The following PCDHGA2 variants were observed in gnomAD, a reference collection of about 807,000 sequenced individuals.
PCDHGA2 encodes protocadherin gamma-A2.
A neutral mutation model predicts 59.2 loss-of-function variants in PCDHGA2; 40 were observed. The ratio of observed to expected loss-of-function variants is 0.68; its 90% CI spans 0.52 to 0.88. PCDHGA2 has a LOEUF of 0.88. Among genes scored for constraint, PCDHGA2 ranks in the 40% least tolerant of loss-of-function variants. The pLI is 0.00. For missense variants in PCDHGA2, 1,226 were observed against 1,204.0 expected, an observed-to-expected ratio of 1.02 and a Z score of -0.27; for synonymous variants, 560 against 526.0, an observed-to-expected ratio of 1.06 and a Z score of -0.89.
At chr5:141,410,295 T>A (rs1043971768) in intron 1 of PCDHGA2, 1 of 1,613,982 alleles carries the variant, frequency 6.2e-7, no homozygotes, top group Admixed American at 1.7e-5. Flanking sequence ...GCCTTGGCCT[T>A]AATCTCAGTG....
intron 3 of PCDHGA2, among the ~76,000 whole-genome samples, chr5:141,506,402 G>A (rs1032556978): frequency 2.8e-5 from 4 of 143,790 alleles, no homozygotes; most frequent in East Asian, 2.0e-4. Flanking sequence ...GCAGAAAATC[G>A]CACCACTGCA....
At position 141,340,486 on chromosome 5, in the gene PCDHGA2, C is replaced by T. The variant is rs1756949157; in HGVS notation, c.1515C>T (p.Ile505=). Residue 505 remains isoleucine, a synonymous_variant, in exon 1 of 4, where the codon ATC becomes ATT. Transcript: ENST00000394576. ...TVQGAPLSSY[I]SINSDTGVLY... ...AGGGGGCACCCTTATCCTCTTACATCTCTATCAACTCCGACACTGGAGTAC... is the reference window on the plus strand; with the variant it reads ...AGGGGGCACCCTTATCCTCTTACATTTCTATCAACTCCGACACTGGAGTAC... 12 of 1,614,240 alleles carry T rather than the reference C, an allele frequency of 7.4e-6. No individual in the cohort carries two copies. Among genetic ancestry groups the T allele is most frequent in the East Asian group, 4.5e-5 (2 of 44,872 alleles).
rs890883912 is a variant in PCDHGA2, at chr5:141,340,843, C to T, written c.1872C>T (p.Gly624=). Residue 624 remains glycine (G), a synonymous_variant, in exon 1 of 4, where the codon GGC becomes GGT. Coordinates refer to ENST00000394576, the MANE Select transcript of PCDHGA2 (RefSeq NM_018915.4). ...TCTTCTCGGTGGGTCTGCACACGGG[C>T]GAGGTGCGCACGGCGCGAGCCCTGC... The part of the protein sequence containing the change: ...PGLFSVGLHT[G]EVRTARALLD... 4.3e-6 allele frequency: 7 copies of T among 1,612,734 alleles called. No individual in the cohort carries two copies. Among genetic ancestry groups the T allele is most frequent in the Middle Eastern group, 1.7e-4 (1 of 5,846 alleles).
At chr5:141,345,368 C>T (rs1221853563) in intron 1 of PCDHGA2, 1 of 1,614,144 alleles carries the variant, frequency 6.2e-7, no homozygotes, top group East Asian at 2.2e-5. Flanking sequence ...TGATTGACAT[C>T]AATGACAACC....
At chr5:141,350,900 G>A (rs773546410) in intron 1 of PCDHGA2, 1 of 1,614,042 alleles carries the variant, frequency 6.2e-7, no homozygotes, top group Admixed American at 1.7e-5. Flanking sequence ...TGCCATGGAT[G>A]GCGGGGACCC....
In PCDHGA2 at chr5:141,374,846, C is replaced by T. The variant is rs1473498001; in HGVS notation, c.2424+33451C>T. 4.3e-6 allele frequency: 7 copies of T among 1,613,724 alleles called. No individual in the cohort carries two copies. In the African/African-American group the frequency reaches 8.0e-5, roughly 18 times the overall value. On this transcript the variant is annotated intron_variant, in intron 1 of 3. Coordinates refer to ENST00000394576, the MANE Select transcript of PCDHGA2 (RefSeq NM_018915.4). ...CTACCGTGTAAGTGTTCCTGAAAAC[C>T]TGCCAGTAGGCACACCAGTGTTGGC...
At chr5:141,421,267 C>T in intron 1 of PCDHGA2, 1 of 1,611,374 alleles carries the variant, frequency 6.2e-7, no homozygotes, top group Non-Finnish European at 8.5e-7. Flanking sequence ...CAGTCGGCTG[C>T]TGCTGCTGCT....
At chr5:141,373,796 CCT>C (rs1278238672) in intron 1 of PCDHGA2, 9 of 310,398 alleles carry the variant, frequency 2.9e-5, no homozygotes, top group African/African-American at 1.3e-4. Flanking sequence ...GAAATAAAAT[CCT>C]CTGTGTGATA....
chr5:141,348,193 G>C (rs1758078679), intron 1 of PCDHGA2, among the ~76,000 whole-genome samples: 1 of 152,194 alleles, frequency 6.6e-6, no homozygotes. Context: ...TCAAACAAAA[G>C]AATAGATTCC....
In PCDHGA2 at chr5:141,384,530, G is replaced by T. The variant is rs772652132; in HGVS notation, c.2424+43135G>T. The T allele has an allele frequency of 1.7e-5, 28 of 1,614,238 alleles. No individual in the cohort carries two copies. In the South Asian group the frequency reaches 2.6e-4, roughly 15 times the overall value. On this transcript the variant is annotated intron_variant, in intron 1 of 3. Coordinates refer to ENST00000394576, the MANE Select transcript of PCDHGA2 (RefSeq NM_018915.4). ...GACAGCGGGGACCCGCCTCTCAGCA[G>T]CAACATGTCACTGAGCCTGTTCGTG...
At chr5:141,426,922 T>C in intron 1 of PCDHGA2, 1 of 456,720 alleles carries the variant, frequency 2.2e-6, no homozygotes, top group Non-Finnish European at 4.4e-6. Flanking sequence ...CTGGAAGCAA[T>C]GGACATGGGT....
chr5:141,415,752 T>G lies in PCDHGA2; in HGVS notation c.2424+74357T>G, dbSNP rs981275270. ...GATGTTTATTAAGGTTTTTTTTTTT[T>G]TTTTTTTTTTTTTTTTTTTTACTTT... On this transcript the variant is annotated intron_variant, in intron 1 of 3. Transcript: ENST00000394576. 5.6e-5 allele frequency: 77 copies of G among 1,372,446 alleles called. No individual in the cohort carries two copies. In the East Asian group the frequency reaches 6.8e-4, roughly 12 times the overall value. 85.0% of individuals were successfully genotyped at this position (1,372,446 alleles called of 1,614,324 possible).
At chr5:141,360,676 G>C in intron 1 of PCDHGA2, 2 of 1,613,952 alleles carry the variant, frequency 1.2e-6, no homozygotes, top group Non-Finnish European at 1.7e-6. Flanking sequence ...CTTTGATCTC[G>C]CTGAGAAACA....
At chr5:141,350,467 G>A in intron 1 of PCDHGA2, 2 of 1,613,996 alleles carry the variant, frequency 1.2e-6, no homozygotes, top group Non-Finnish European at 1.7e-6. Flanking sequence ...TTAGTGCAGA[G>A]GATTATTTCA....
At chr5:141,426,655 A>C (rs2096950037) in intron 1 of PCDHGA2, 1 of 424,748 alleles carries the variant, frequency 2.4e-6, no homozygotes, top group Non-Finnish European at 4.8e-6. Flanking sequence ...ATGATAGAAG[A>C]TATAAATGAT....
At chr5:141,360,418 A>G (rs1372151234) in intron 1 of PCDHGA2, 2 of 1,613,992 alleles carry the variant, frequency 1.2e-6, no homozygotes, top group Non-Finnish European at 1.7e-6. Context: ...CCGAGAACAG[A>G]TATGCGGGAA....
chr5:141,345,258 T>C, intron 1 of PCDHGA2: 1 of 1,613,918 alleles, frequency 6.2e-7, no homozygotes, highest in Non-Finnish European at 8.5e-7. Context: ...GACGGCCACA[T>C]CCCTGGACCG....
intron 1 of PCDHGA2, chr5:141,404,241 C>A (rs960579159): frequency 6.2e-7 from 1 of 1,613,458 alleles, no homozygotes; most frequent in African/African-American, 1.3e-5. Context: ...AGAGGAACTC[C>A]GCCCCTGTCC....
At chr5:141,371,048 C>A in intron 1 of PCDHGA2, 2 of 1,613,890 alleles carry the variant, frequency 1.2e-6, no homozygotes, top group Non-Finnish European at 1.7e-6. Flanking sequence ...TGGATGGGGG[C>A]GAGCCCTCCA....
Sources: allele counts gnomAD v4.1 joint callset (sites outside exome capture counted in the v4.1 genomes callset), GRCh38; gene constraint gnomAD v4.1.1; transcripts MANE v1.5; gene names NCBI Gene and HGNC (gene_info 2026-07-23, HGNC 2026-07-21).